CEP85L: variants seen among roughly 807,000 people sequenced by gnomAD.
The protein encoded by CEP85L is centrosomal protein of 85 kDa-like.
A neutral mutation model predicts 100.3 loss-of-function variants in CEP85L; 60 were observed. The ratio of observed to expected loss-of-function variants is 0.60; its 90% CI spans 0.49 to 0.74. The LOEUF is 0.74. Ranked by LOEUF, CEP85L falls within the 30% of genes least tolerant of loss-of-function variation. The pLI, the probability that CEP85L is intolerant of heterozygous loss-of-function variation, is 0.00. For missense variants in CEP85L, 973 were observed against 936.2 expected, an observed-to-expected ratio of 1.04 and a Z score of -0.51; for synonymous variants, 319 against 322.7, an observed-to-expected ratio of 0.99 and a Z score of 0.12.
intron 2 of CEP85L, among the ~76,000 whole-genome samples, chr6:118,605,789 G>T (rs986423916): frequency 6.6e-6 from 1 of 152,180 alleles, no homozygotes; most frequent in African/African-American, 2.4e-5. Context: ...GAGGCGGGCA[G>T]ATCACGAGGT....
intron 1 of CEP85L, among the ~76,000 whole-genome samples, chr6:118,643,535 T>C (rs1775003541): frequency 6.6e-6 from 1 of 152,152 alleles, no homozygotes; most frequent in Non-Finnish European, 1.5e-5. Flanking sequence ...AGCAAATAAG[T>C]TTCATTCACT....
At chr6:118,540,010 T>C (rs769496247) in intron 3 of CEP85L, among the ~76,000 whole-genome samples, 19 of 151,922 alleles carry the variant, frequency 1.3e-4, no homozygotes, top group Non-Finnish European at 2.2e-4. Flanking sequence ...TGTATATGTA[T>C]AGGTCATAAA....
upstream of CEP85L, chr6:118,652,884 T>C (rs1775645608): frequency 1.6e-6 from 1 of 614,452 alleles, no homozygotes; most frequent in Non-Finnish European, 2.8e-6. Flanking sequence ...GTGCACTAGC[T>C]CGTTTTATCT....
intron 1 of CEP85L, among the ~76,000 whole-genome samples, chr6:118,685,969 G>A (rs910081641): frequency 1.3e-5 from 2 of 152,188 alleles, no homozygotes; most frequent in African/African-American, 2.4e-5. Flanking sequence ...AATGGGGAAT[G>A]CTTGGAATGT....
intron 2 of CEP85L, among the ~76,000 whole-genome samples, chr6:118,614,865 C>CAGACAGACAGACAGACAGACAGAT (rs781072805): frequency 6.7e-6 from 1 of 149,860 alleles, no homozygotes; most frequent in African/African-American, 2.5e-5. Flanking sequence ...GACAGACAGA[C>CAGACAGACAGACAGACAGACAGAT]AGATAGATAG....
chr6:118,518,078 G>A (rs149904486), intron 4 of CEP85L, among the ~76,000 whole-genome samples: 1,932 of 152,264 alleles, frequency 0.013, 51 homozygotes, highest in African/African-American at 0.044. Flanking sequence ...CAGGGATGAC[G>A]CCGACTTGTT....
chr6:118,676,520 T>C (rs1366427705), intron 1 of CEP85L, among the ~76,000 whole-genome samples: 1 of 152,248 alleles, frequency 6.6e-6, no homozygotes, highest in African/African-American at 2.4e-5. Context: ...ATGACAGAAT[T>C]TCCTTCTTTC....
At chr6:118,499,811 A>T (rs1442597193) in intron 5 of CEP85L, among the ~76,000 whole-genome samples, 5 of 152,220 alleles carry the variant, frequency 3.3e-5, no homozygotes, top group Non-Finnish European at 7.3e-5. Context: ...AAGCTTCGCC[A>T]CCAAGATCAA....
At chr6:118,650,056 A>G (rs1775443275) in intron 1 of CEP85L, among the ~76,000 whole-genome samples, 2 of 152,180 alleles carry the variant, frequency 1.3e-5, no homozygotes, top group Admixed American at 6.5e-5. Context: ...ACCCCTTTCC[A>G]AATGCTGCTT....
chr6:118,486,981 T>G (rs935719437), intron 6 of CEP85L, among the ~76,000 whole-genome samples: 13 of 151,800 alleles, frequency 8.6e-5, no homozygotes, highest in African/African-American at 3.1e-4. Context: ...AGAGACACAT[T>G]CAAATACAAT....
chr6:118,701,980 C>T (rs1777424871), intron 1 of CEP85L, among the ~76,000 whole-genome samples: 1 of 152,306 alleles, frequency 6.6e-6, no homozygotes, highest in Admixed American at 6.5e-5. Context: ...AAAATGTTCT[C>T]TCTCATCCAG....
chr6:118,692,459 G>T (rs1052526972), intron 1 of CEP85L, among the ~76,000 whole-genome samples: 4 of 152,144 alleles, frequency 2.6e-5, no homozygotes, highest in African/African-American at 9.7e-5. Context: ...AATCCCTGAG[G>T]AGAGTGTTTC....
chr6:118,572,193 T>C (rs1310826951), intron 2 of CEP85L, among the ~76,000 whole-genome samples: 2 of 150,522 alleles, frequency 1.3e-5, no homozygotes, highest in African/African-American at 2.5e-5. Context: ...GAGTTTTTTT[T>C]CCCTTCCTGC....
chr6:118,541,163 G>T (rs1777884995), intron 3 of CEP85L, among the ~76,000 whole-genome samples: 1 of 152,178 alleles, frequency 6.6e-6, no homozygotes, highest in South Asian at 2.1e-4. Flanking sequence ...TAACGGGGCA[G>T]CCTTACAAAT....
chr6:118,481,772 T>C lies in CEP85L; in HGVS notation c.1745+7A>G. 6.6e-7 allele frequency: 1 copy of C among 1,513,906 alleles called. No individual in the cohort carries two copies. Among genetic ancestry groups the C allele is most frequent in the Non-Finnish European group, 8.9e-7 (1 of 1,128,250 alleles). 93.8% of individuals were successfully genotyped at this position (1,513,906 alleles called of 1,614,324 possible). ...ATAATGTAGAAGGATTCAGAAAATTTTCTTACCTCTGAACGGTAGTTACTA... is the reference window on the plus strand; with the variant it reads ...ATAATGTAGAAGGATTCAGAAAATTCTCTTACCTCTGAACGGTAGTTACTA... On this transcript the variant is annotated splice_region_variant and intron_variant, in intron 8 of 12. Transcript: ENST00000368491.
intron 5 of CEP85L, among the ~76,000 whole-genome samples, chr6:118,509,404 G>A (rs1775841536): frequency 6.6e-6 from 1 of 151,986 alleles, no homozygotes; most frequent in Non-Finnish European, 1.5e-5. Flanking sequence ...TCAAATAACT[G>A]TACATTATTC....
At chr6:118,480,618 C>G (rs1306755027) in intron 8 of CEP85L, 105 bp from the exon 9 acceptor site, 4 of 696,416 alleles carry the variant, frequency 5.7e-6, no homozygotes, top group Non-Finnish European at 9.8e-6. Context: ...ATTATAGACC[C>G]TAAAAATGAC....
At chr6:118,627,809 T>C (rs1037002764) in intron 2 of CEP85L, among the ~76,000 whole-genome samples, 1 of 152,200 alleles carries the variant, frequency 6.6e-6, no homozygotes, top group Non-Finnish European at 1.5e-5. Flanking sequence ...GGAGAAACTA[T>C]TTAACCAGAG....
At chr6:118,574,872 A>G (rs1442285773) in intron 2 of CEP85L, among the ~76,000 whole-genome samples, 1 of 152,132 alleles carries the variant, frequency 6.6e-6, no homozygotes, top group African/African-American at 2.4e-5. Context: ...GCCTTAGGGT[A>G]GCTTTCCTGT....
Sources: allele counts gnomAD v4.1 joint callset (sites outside exome capture counted in the v4.1 genomes callset), GRCh38; gene constraint gnomAD v4.1.1; transcripts MANE v1.5; gene names NCBI Gene and HGNC (gene_info 2026-07-23, HGNC 2026-07-21).